PCNX2: variants seen among roughly 807,000 people sequenced by gnomAD.
PCNX2 encodes the protein pecanex 2.
In PCNX2, 168 loss-of-function variants were observed where a neutral mutation model predicts 223.8. The ratio of observed to expected loss-of-function variants is 0.75; its 90% CI spans 0.66 to 0.85. The LOEUF is 0.85. Among genes scored for constraint, PCNX2 ranks in the 40% least tolerant of loss-of-function variants. The pLI is 0.00. For missense variants in PCNX2, 2,507 were observed against 2,675.5 expected (o/e 0.94, Z 1.39); for synonymous variants, 1,006 against 1,052.6 (o/e 0.96, Z 0.86).
intron 15 of PCNX2, among the ~76,000 whole-genome samples, chr1:233,191,238 T>C (rs1279942207): frequency 6.6e-6 from 1 of 152,208 alleles, no homozygotes; most frequent in Non-Finnish European, 1.5e-5. Context: ...GGAATGTCTT[T>C]TCCTCCTCCC....
At chr1:233,218,899 C>A (rs1353452727) in intron 10 of PCNX2, among the ~76,000 whole-genome samples, 1 of 152,152 alleles carries the variant, frequency 6.6e-6, no homozygotes, top group East Asian at 1.9e-4. Flanking sequence ...CTGGCCTAAG[C>A]AGACAATCAT....
Position 233,000,398 on chromosome 1 carries a change from C to A in PCNX2, c.5235G>T (p.Glu1745Asp). ...WRGAVLSNKE[E>D]LLTLRHVVDE... ...CCACCACGTGCCGCAGGGTGAGCAG[C>A]TCTTCCTTGTTGGACAGCACTGCGC... The change falls in exon 30 of 34, where the codon GAG becomes GAT. Residue 1745 changes from glutamate to aspartate, a missense_variant. Glu to Asp is a conservative substitution (Grantham distance 45, BLOSUM62 2). Coordinates refer to ENST00000258229, the MANE Select transcript of PCNX2 (RefSeq NM_014801.4). This position sits in a 1 kb window ranked among gnomAD's most constrained non-coding sequence, Gnocchi z 4.6. 2 of 1,611,988 alleles carry A rather than the reference C, an allele frequency of 1.2e-6. No homozygotes were observed. The highest frequency in any genetic ancestry group is 1.7e-6 in the Non-Finnish European group (2 of 1,178,600).
Position 233,074,396 on chromosome 1 carries a change from C to A in PCNX2, c.4076+15665G>T, listed in dbSNP as rs1318316601. On this transcript the variant is annotated intron_variant, in intron 23 of 33. Coordinates refer to ENST00000258229, the MANE Select transcript of PCNX2 (RefSeq NM_014801.4). Reference sequence around the variant, plus strand: ...GATCACGAGGTCAGGAGATCGAGACCATCCCGGCTAAAACGGTGAAACCCC... The same window carrying A: ...GATCACGAGGTCAGGAGATCGAGACAATCCCGGCTAAAACGGTGAAACCCC... Among the ~76,000 whole-genome samples the A allele has an allele frequency of 3.3e-5, 5 of 151,904 alleles. No individual in the cohort carries two copies. In the East Asian group the frequency reaches 9.7e-4, roughly 29 times the overall value.
At chr1:233,055,873 G>A (rs1288919811) in intron 24 of PCNX2, among the ~76,000 whole-genome samples, 1 of 152,146 alleles carries the variant, frequency 6.6e-6, no homozygotes, top group Admixed American at 6.5e-5. Flanking sequence ...GGGTGCGGAA[G>A]GCAGGGAGTG....
At chr1:233,112,860 G>A in intron 21 of PCNX2, 1 of 1,288,040 alleles carries the variant, frequency 7.8e-7, no homozygotes, top group Non-Finnish European at 1.0e-6. Context: ...AGGCTGAAGG[G>A]CAGAGGAGTT....
intron 13 of PCNX2, among the ~76,000 whole-genome samples, chr1:233,205,649 T>C (rs1250782752): frequency 6.6e-6 from 1 of 151,778 alleles, no homozygotes; most frequent in Non-Finnish European, 1.5e-5. Flanking sequence ...TGAACCTAGA[T>C]CGTGCCTCTG....
chr1:233,261,155 A>C, intron 4 of PCNX2, 130 bp downstream of exon 4: 1 of 815,816 alleles, frequency 1.2e-6, no homozygotes, highest in Non-Finnish European at 1.9e-6. Context: ...AAACAAAGTC[A>C]AAATATAACT....
At chr1:233,223,072 A>G (rs1005307927) in intron 10 of PCNX2, among the ~76,000 whole-genome samples, 2 of 152,228 alleles carry the variant, frequency 1.3e-5, no homozygotes, top group Admixed American at 6.5e-5. Flanking sequence ...GGACTTCAAC[A>G]TTAAAGGGTC....
rs547840568 is a variant in PCNX2 at position 233,074,734 on chromosome 1, A to G, written c.4076+15327T>C. On this transcript the variant is annotated intron_variant, in intron 23 of 33. Coordinates refer to ENST00000258229, the MANE Select transcript of PCNX2 (RefSeq NM_014801.4). ...AAATTCTCAAAATTCAACAGTAGAA[A>G]AAAAGTCCAATTAGAAAATGAGCAA... Among the ~76,000 whole-genome samples, 3 of 152,266 alleles carry G rather than the reference A, an allele frequency of 2.0e-5. No individual in the cohort carries two copies. The South Asian group carries it at 6.2e-4, about 32-fold the overall frequency.
At chr1:233,322,340 G>A in the PCNX2 span, among the ~76,000 whole-genome samples, 1 of 152,148 alleles carries the variant, frequency 6.6e-6, no homozygotes, top group African/African-American at 2.4e-5. Context: ...CCTATGAGTA[G>A]GGCACGACAC....
chr1:233,141,837 GA>G (rs1677146170), intron 19 of PCNX2, among the ~76,000 whole-genome samples: 3 of 151,428 alleles, frequency 2.0e-5, no homozygotes, highest in Admixed American at 6.6e-5. Context: ...AATCTTACTT[GA>G]AAAGAATTCA....
At chr1:233,048,927 G>A (rs1671906315) in intron 25 of PCNX2, among the ~76,000 whole-genome samples, 1 of 151,996 alleles carries the variant, frequency 6.6e-6, no homozygotes, top group South Asian at 2.1e-4. Context: ...CTAAACTCCT[G>A]GAAACACACA....
At chr1:233,080,734 C>T (rs1673321080) in intron 23 of PCNX2, among the ~76,000 whole-genome samples, 1 of 152,142 alleles carries the variant, frequency 6.6e-6, no homozygotes, top group Admixed American at 6.5e-5. Flanking sequence ...GGCCCCACCT[C>T]CTAATACCAT....
rs150080337 is a variant in PCNX2 at position 233,227,735 on chromosome 1, G to T, written c.2359-364C>A. On this transcript the variant is annotated intron_variant, in intron 9 of 33. Coordinates refer to ENST00000258229, the MANE Select transcript of PCNX2 (RefSeq NM_014801.4). Reference sequence around the variant, plus strand: ...AGGAATTCAATAAAAGATCTTAAATGACTTCATTTCTGAAAAGTGTGTTAA... The same window carrying T: ...AGGAATTCAATAAAAGATCTTAAATTACTTCATTTCTGAAAAGTGTGTTAA... Among the ~76,000 whole-genome samples, 416 of 152,220 alleles carry T rather than the reference G, an allele frequency of 2.7e-3. 5 individuals are homozygous for T. The highest frequency in any genetic ancestry group is 0.027 in the East Asian group (141 of 5,176).
intron 15 of PCNX2, among the ~76,000 whole-genome samples, chr1:233,198,055 G>A (rs750821119): frequency 2.5e-4 from 38 of 151,964 alleles, no homozygotes; most frequent in Non-Finnish European, 4.9e-4. Context: ...CCACTCTACA[G>A]CTCTACAACA....
At position 233,295,265 on chromosome 1, in the gene PCNX2, T is replaced by A; in HGVS notation, c.153+61A>T. The A allele has an allele frequency of 6.4e-7, 1 of 1,551,314 alleles. No individual in the cohort carries two copies. The highest frequency in any genetic ancestry group is 8.7e-7 in the Non-Finnish European group (1 of 1,146,130). Reference sequence around the variant, plus strand: ...CGTGAGGCTGATGGCACGTCTGTGGTTCCTTTCTCCTTCTTCCCTCCATAC... The same window carrying A: ...CGTGAGGCTGATGGCACGTCTGTGGATCCTTTCTCCTTCTTCCCTCCATAC... On this transcript the variant is annotated intron_variant, in intron 1 of 33. Transcript: ENST00000258229. This position sits in a 1 kb window ranked among gnomAD's most constrained non-coding sequence, Gnocchi z 4.1.
intron 1 of PCNX2, chr1:233,288,915 T>C: frequency 6.8e-7 from 1 of 1,472,002 alleles, no homozygotes; most frequent in Non-Finnish European, 9.4e-7. Context: ...CATGAGCTTC[T>C]TATAGACACC....
chr1:233,300,961 T>A, the PCNX2 span, among the ~76,000 whole-genome samples: 1 of 152,072 alleles, frequency 6.6e-6, no homozygotes, highest in Non-Finnish European at 1.5e-5. Context: ...CTCACTAACT[T>A]TATTGTGGAT....
intron 15 of PCNX2, among the ~76,000 whole-genome samples, chr1:233,182,290 C>G (rs1035990891): frequency 6.6e-6 from 1 of 152,190 alleles, no homozygotes; most frequent in African/African-American, 2.4e-5. Flanking sequence ...GTCTCCTGAT[C>G]CTTGTGTGCC....
Sources: allele counts gnomAD v4.1 joint callset (sites outside exome capture counted in the v4.1 genomes callset), GRCh38; gene constraint gnomAD v4.1.1; non-coding constraint Gnocchi (gnomAD v3.1); transcripts MANE v1.5; gene names NCBI Gene and HGNC (gene_info 2026-07-23, HGNC 2026-07-21).